The following PHC2 variants were observed in gnomAD, a reference collection of about 807,000 sequenced individuals.
PHC2 encodes polyhomeotic homolog 2.
A neutral mutation model predicts 87.4 loss-of-function variants in PHC2; 29 were observed. The ratio of observed to expected loss-of-function variants is 0.33; its 90% CI spans 0.25 to 0.45. PHC2 has a LOEUF of 0.45. Among genes scored for constraint, PHC2 ranks in the 20% least tolerant of loss-of-function variants. PHC2 has a pLI of 1.00. For synonymous variants in PHC2, 438 were observed against 461.7 expected (o/e 0.95, Z 0.66); for missense variants, 857 against 1,136.7 (o/e 0.75, Z 3.54).
At position 33,367,204 on chromosome 1, in the gene PHC2, G is replaced by A; in HGVS notation, c.888C>T (p.Gly296=). The A allele has an allele frequency of 1.2e-6, 2 of 1,614,196 alleles. No individual in the cohort carries two copies. Among genetic ancestry groups the A allele is most frequent in the South Asian group, 1.1e-5 (1 of 91,084 alleles). ...SVMEPHKKGD[G]NSSVPGSMEG... is the part of the protein sequence containing the mutation. The stretch of plus-strand genomic sequence containing the variant: ...CCATGCTCCCTGGCACACTGCTGTT[G>A]CCATCTCCTTTCTTGTGTGGCTCCA... Residue 296 remains glycine, a synonymous_variant, in exon 7 of 15, where the codon GGC becomes GGT. Transcript: ENST00000683057.
At chr1:33,396,752 A>AT (rs1328089104) in intron 1 of PHC2, among the ~76,000 whole-genome samples, 6 of 152,156 alleles carry the variant, frequency 3.9e-5, no homozygotes, top group Admixed American at 2.6e-4. Flanking sequence ...CCCGTAACTG[A>AT]TAAGAGCTGC....
At chr1:33,401,279 T>C (rs1006181198) in intron 1 of PHC2, among the ~76,000 whole-genome samples, 7 of 152,020 alleles carry the variant, frequency 4.6e-5, no homozygotes, top group African/African-American at 1.7e-4. Flanking sequence ...TGAGCCGAGA[T>C]TGCACCACTG....
intron 9 of PHC2, among the ~76,000 whole-genome samples, chr1:33,342,816 C>A (rs1470765344): frequency 2.0e-5 from 3 of 152,206 alleles, no homozygotes; most frequent in Admixed American, 6.5e-5. Flanking sequence ...AGTCTCACAT[C>A]ATAGTGCTCC....
intron 7 of PHC2, 26 bp downstream of exon 7, chr1:33,367,090 G>C (rs765034331): frequency 5.6e-5 from 88 of 1,569,038 alleles, no homozygotes; most frequent in Non-Finnish European, 7.2e-5. Context: ...TTCTGGGAAA[G>C]GATTCCTGCT....
At chr1:33,365,455 A>T (rs1309551185) in intron 7 of PHC2, among the ~76,000 whole-genome samples, 1 of 152,214 alleles carries the variant, frequency 6.6e-6, no homozygotes, top group East Asian at 1.9e-4. Context: ...GGGGGTTCTC[A>T]GGAAGGCCTG....
intron 9 of PHC2, among the ~76,000 whole-genome samples, chr1:33,343,807 T>C (rs1646793862): frequency 6.6e-6 from 1 of 152,234 alleles, no homozygotes; most frequent in African/African-American, 2.4e-5. Context: ...CTCAGACGTC[T>C]TGGTCTACGT....
intron 7 of PHC2, among the ~76,000 whole-genome samples, chr1:33,359,233 TG>T (rs1647150588): frequency 1.3e-5 from 2 of 152,190 alleles, no homozygotes; most frequent in Admixed American, 6.5e-5. Context: ...GACAACATGG[TG>T]GGACTTGTTT....
intron 7 of PHC2, among the ~76,000 whole-genome samples, chr1:33,363,476 C>T (rs1447893305): frequency 6.6e-6 from 1 of 152,186 alleles, no homozygotes; most frequent in Non-Finnish European, 1.5e-5. Flanking sequence ...CTGGAATCAG[C>T]AACACTGCAT....
rs934855965 is a variant in PHC2, at chr1:33,335,869, C to G, written c.1559-1577G>C. 7.9e-5 allele frequency among the ~76,000 whole-genome samples: 12 copies of G among 151,400 alleles called. No homozygotes were observed. In the South Asian group the frequency reaches 2.5e-3, roughly 32 times the overall value. The stretch of plus-strand genomic sequence containing the variant: ...GAGCTGAGATCTCGCCACCCCCCTC[C>G]AGCCTGGGCGACAGAGCAAGACTCT... On this transcript the variant is annotated intron_variant, in intron 9 of 14. Coordinates refer to ENST00000683057, the MANE Select transcript of PHC2 (RefSeq NM_001385109.1).
chr1:33,329,798 G>A (rs557135085), intron 13 of PHC2, among the ~76,000 whole-genome samples: 1 of 152,280 alleles, frequency 6.6e-6, no homozygotes, highest in South Asian at 2.1e-4. Context: ...CCATTTCCGT[G>A]GCCCCAGAAG....
intron 1 of PHC2, among the ~76,000 whole-genome samples, chr1:33,405,087 C>G (rs1480530307): frequency 2.0e-5 from 3 of 151,918 alleles, no homozygotes; most frequent in African/African-American, 4.8e-5. Flanking sequence ...TTTATAATAC[C>G]TCTAGGATCG....
chr1:33,389,816 T>C (rs1303715887), intron 1 of PHC2, among the ~76,000 whole-genome samples: 2 of 152,220 alleles, frequency 1.3e-5, no homozygotes, highest in East Asian at 1.9e-4. Context: ...TCTGTTAGCA[T>C]ACATCTTGGC....
intron 7 of PHC2, among the ~76,000 whole-genome samples, chr1:33,360,584 A>G (rs1031351257): frequency 1.3e-5 from 2 of 152,262 alleles, no homozygotes; most frequent in Non-Finnish European, 2.9e-5. Flanking sequence ...TTAAACCACA[A>G]AGAGATTCAC....
At chr1:33,348,542 G>A (rs546875168) in intron 9 of PHC2, among the ~76,000 whole-genome samples, 1 of 152,216 alleles carries the variant, frequency 6.6e-6, no homozygotes, top group Non-Finnish European at 1.5e-5. Context: ...AGATACTCAG[G>A]CTGATGGACA....
intron 9 of PHC2, among the ~76,000 whole-genome samples, chr1:33,340,555 C>T (rs912785814): frequency 4.6e-5 from 7 of 152,190 alleles, no homozygotes; most frequent in African/African-American, 1.7e-4. Context: ...AGTGCCCAGT[C>T]CTCATGGAAA....
At chr1:33,383,847 C>T (rs1648609968) in intron 1 of PHC2, among the ~76,000 whole-genome samples, 1 of 152,144 alleles carries the variant, frequency 6.6e-6, no homozygotes, top group Admixed American at 6.5e-5. Context: ...GCTATGCTGC[C>T]ACCAGCCAAA....
intron 1 of PHC2, among the ~76,000 whole-genome samples, chr1:33,379,048 T>C (rs982820984): frequency 6.6e-6 from 1 of 151,556 alleles, no homozygotes; most frequent in Non-Finnish European, 1.5e-5. Flanking sequence ...CTGTGGAGAG[T>C]GTACACTCAA....
intron 9 of PHC2, among the ~76,000 whole-genome samples, chr1:33,338,899 T>TG (rs984238839): frequency 1.2e-4 from 18 of 152,274 alleles, no homozygotes; most frequent in African/African-American, 4.1e-4. Context: ...GGTAAAATCT[T>TG]GGCCTTTAGT....
chr1:33,341,164 T>C (rs892324125), intron 9 of PHC2, among the ~76,000 whole-genome samples: 55 of 152,364 alleles, frequency 3.6e-4, no homozygotes, highest in African/African-American at 1.0e-3. Context: ...GGGGTACTTA[T>C]ATCTGTCTTA....
Sources: gnomAD v4.1 joint callset for allele counts (sites outside exome capture counted in the v4.1 genomes callset) on GRCh38, gnomAD v4.1.1 for gene constraint, MANE v1.5 for transcripts, NCBI Gene and HGNC (gene_info 2026-07-23, HGNC 2026-07-21) for gene names.